The following MSRA variants were observed in gnomAD, a reference collection of about 807,000 sequenced individuals.
MSRA encodes methionine sulfoxide reductase A, also known as mitochondrial peptide methionine sulfoxide reductase.
A neutral mutation model predicts 31.3 loss-of-function variants in MSRA; 54 were observed. That is an observed-to-expected ratio of 1.73 (90% CI 1.39 to 2.17). The LOEUF (loss-of-function observed/expected upper bound fraction) is 2.17, where lower values mean the gene tolerates loss of function less well. Ranked by LOEUF, MSRA falls within the 30% of genes most tolerant of loss-of-function variation. The pLI, the probability that MSRA is intolerant of heterozygous loss-of-function variation, is 0.00. For synonymous variants in MSRA, 169 were observed against 116.5 expected (o/e 1.45, Z -2.90); for missense variants, 507 against 300.9 (o/e 1.69, Z -5.07).
At chr8:10,205,885 G>C (rs533098032) in intron 1 of MSRA, among the ~76,000 whole-genome samples, 2 of 152,060 alleles carry the variant, frequency 1.3e-5, no homozygotes, top group Non-Finnish European at 2.9e-5. Context: ...CTCTCTCAAG[G>C]CTGCATTTAA....
At chr8:10,147,636 C>T (rs1379687563) in intron 1 of MSRA, among the ~76,000 whole-genome samples, 1 of 152,208 alleles carries the variant, frequency 6.6e-6, no homozygotes, top group African/African-American at 2.4e-5. Flanking sequence ...TGGGGACAGT[C>T]TGCCACCTCT....
intron 1 of MSRA, among the ~76,000 whole-genome samples, chr8:10,059,818 G>A (rs1006524277): frequency 2.0e-5 from 3 of 152,152 alleles, no homozygotes; most frequent in South Asian, 4.1e-4. Flanking sequence ...CAAGGTAGAC[G>A]TTAGGTTATG....
At chr8:10,297,726 G>C (rs1290078451) in intron 3 of MSRA, among the ~76,000 whole-genome samples, 2 of 152,180 alleles carry the variant, frequency 1.3e-5, no homozygotes, top group African/African-American at 4.8e-5. Context: ...AATGAATCTT[G>C]AATTTGAATG....
intron 1 of MSRA, among the ~76,000 whole-genome samples, chr8:10,169,329 G>T (rs1020130903): frequency 2.0e-5 from 3 of 152,156 alleles, no homozygotes; most frequent in Non-Finnish European, 4.4e-5. Context: ...GGGAAGTTTC[G>T]CAGGAAGGGG....
At chr8:10,330,317 A>G (rs192864224) in intron 5 of MSRA, among the ~76,000 whole-genome samples, 744 of 152,120 alleles carry the variant, frequency 4.9e-3, no homozygotes, top group South Asian at 8.3e-3. Context: ...AATTATACCA[A>G]CCCAAATGAG....
chr8:10,113,290 T>TTTTTTG lies in MSRA; in HGVS notation c.142+58633_142+58634insTTTTGT, dbSNP rs1800427820. On this transcript the variant is annotated intron_variant, in intron 1 of 5. Transcript: ENST00000317173. ...GGCATGGCTTTGGTGAAGACAGGTCTTCTTTTTTTTTTTTTTTTTTTTTTG... is the reference window on the plus strand; with the variant it reads ...GGCATGGCTTTGGTGAAGACAGGTCTTTTTTGTCTTTTTTTTTTTTTTTTTTTTTTG... Among the ~76,000 whole-genome samples, 2 of 94,140 alleles carry TTTTTTG rather than the reference T, an allele frequency of 2.1e-5. 1 individual carries two copies. The highest frequency in any genetic ancestry group is 3.9e-5 in the Non-Finnish European group (2 of 51,502). The allele number at this position is 94,140 out of a possible 152,430, so 61.8% of individuals were successfully genotyped here. A position where few individuals can be genotyped will look rare whatever the true frequency, so the allele number is the denominator to read the frequency against.
intron 1 of MSRA, chr8:10,096,297 G>A (rs1469713812): frequency 3.6e-6 from 4 of 1,122,812 alleles, no homozygotes; most frequent in East Asian, 4.7e-5. Flanking sequence ...ACCAGACTTC[G>A]CTTGAAGGGC....
At chr8:10,283,160 A>ACACACACTCTCTCTCTCTCTCTCTCTCT in intron 3 of MSRA, among the ~76,000 whole-genome samples, 26 of 140,320 alleles carry the variant, frequency 1.9e-4, no homozygotes, top group Admixed American at 7.8e-4. Flanking sequence ...ACACACACAC[A>ACACACACTCTCTCTCTCTCTCTCTCTCT]CTCTCACCCT....
At chr8:10,115,807 A>G (rs1334156013) in intron 1 of MSRA, among the ~76,000 whole-genome samples, 1 of 152,240 alleles carries the variant, frequency 6.6e-6, no homozygotes, top group Non-Finnish European at 1.5e-5. Flanking sequence ...AAGAAGAGTT[A>G]GAAGAGGACA....
chr8:10,275,269 G>A (rs557496027), intron 3 of MSRA, among the ~76,000 whole-genome samples: 4 of 152,264 alleles, frequency 2.6e-5, no homozygotes, highest in African/African-American at 9.6e-5. Flanking sequence ...AATTCCATAC[G>A]ATCAAGTTTG....
intron 1 of MSRA, among the ~76,000 whole-genome samples, chr8:10,119,333 G>A (rs566035277): frequency 1.3e-5 from 2 of 152,306 alleles, no homozygotes; most frequent in South Asian, 2.1e-4. Context: ...ATGGCAGAAC[G>A]CTGTAGGATC....
chr8:10,383,101 G>A (rs566470527), intron 5 of MSRA, among the ~76,000 whole-genome samples: 1 of 152,316 alleles, frequency 6.6e-6, no homozygotes, highest in East Asian at 1.9e-4. Context: ...AACATCTGAG[G>A]CTCAGGATCA....
At chr8:10,237,114 A>G (rs1812010083) in intron 2 of MSRA, among the ~76,000 whole-genome samples, 1 of 152,242 alleles carries the variant, frequency 6.6e-6, no homozygotes, top group Non-Finnish European at 1.5e-5. Context: ...GAACTAGTTA[A>G]TGCAGGTTTT....
chr8:10,393,680 G>A (rs11782297), intron 5 of MSRA, among the ~76,000 whole-genome samples: 2,973 of 152,290 alleles, frequency 0.02, 40 homozygotes, highest in Non-Finnish European at 0.029. Context: ...CCTAGCATCC[G>A]TATGTCTTGT....
intron 5 of MSRA, among the ~76,000 whole-genome samples, chr8:10,351,729 A>G (rs568153656): frequency 3.3e-5 from 5 of 152,356 alleles, no homozygotes; most frequent in African/African-American, 1.2e-4. Context: ...GGTTATCCAC[A>G]GTGAGATGAA....
At chr8:10,174,274 C>T (rs1227291847) in intron 1 of MSRA, among the ~76,000 whole-genome samples, 1 of 151,996 alleles carries the variant, frequency 6.6e-6, no homozygotes, top group Middle Eastern at 3.2e-3. Context: ...ATATGAAGGA[C>T]ACAGATAGAG....
intron 1 of MSRA, among the ~76,000 whole-genome samples, chr8:10,080,925 C>T (rs2128922965): frequency 6.6e-6 from 1 of 152,290 alleles, no homozygotes; most frequent in East Asian, 1.9e-4. Context: ...GCAAGGTCTT[C>T]CATACCGCAG....
chr8:10,265,558 C>G (rs764347588), intron 3 of MSRA, among the ~76,000 whole-genome samples: 1 of 152,154 alleles, frequency 6.6e-6, no homozygotes, highest in Admixed American at 6.5e-5. Context: ...TAGACCAGAA[C>G]CCTGGCCTTT....
intron 3 of MSRA, among the ~76,000 whole-genome samples, chr8:10,300,594 G>T (rs1269121147): frequency 6.6e-6 from 1 of 152,000 alleles, no homozygotes; most frequent in East Asian, 1.9e-4. Flanking sequence ...TCACCAGATT[G>T]GCCAGGCTAC....
Sources: allele counts gnomAD v4.1 joint callset (sites outside exome capture counted in the v4.1 genomes callset), GRCh38; gene constraint gnomAD v4.1.1; transcripts MANE v1.5; gene names NCBI Gene and HGNC (gene_info 2026-07-23, HGNC 2026-07-21).